Variants in OTOGL observed in about 807,000 individuals in gnomAD.
The protein encoded by OTOGL is otogelin like, also known as otogelin-like protein.
OTOGL carries 285 observed loss-of-function variants against 318.5 expected under a neutral mutation model. The ratio of observed to expected loss-of-function variants is 0.89; its 90% CI spans 0.81 to 0.99. The LOEUF is 0.99. Ranked by LOEUF, OTOGL falls within the 50% of genes least tolerant of loss-of-function variation. The pLI is 0.00. For missense variants in OTOGL, 2,899 were observed against 2,845.6 expected (o/e 1.02, Z -0.43); for synonymous variants, 987 against 936.5 (o/e 1.05, Z -0.99).
At chr12:80,253,661 A>C in intron 14 of OTOGL, 87 bp downstream of exon 14, 18 of 1,022,074 alleles carry the variant, frequency 1.8e-5, no homozygotes, top group East Asian at 2.5e-5. Flanking sequence ...GAATATACTC[A>C]TTACTAATTT....
At chr12:80,195,526 T>C (rs898232205) in intron 1 of OTOGL, among the ~76,000 whole-genome samples, 4 of 152,214 alleles carry the variant, frequency 2.6e-5, no homozygotes, top group Admixed American at 2.0e-4. Context: ...GGCTGGTTAG[T>C]AGAATGAAGC....
chr12:80,159,315 C>G (rs1271828343), intron 1 of OTOGL, among the ~76,000 whole-genome samples: 2 of 151,940 alleles, frequency 1.3e-5, no homozygotes, highest in African/African-American at 4.8e-5. Flanking sequence ...ATGTCCTTTG[C>G]TGGTTTAGAT....
chr12:80,333,166 CT>C, intron 38 of OTOGL, 88 bp downstream of exon 38: 5 of 1,196,238 alleles, frequency 4.2e-6, no homozygotes, highest in Non-Finnish European at 6.0e-6. Flanking sequence ...TGCTACTAAA[CT>C]TTTTTTGATA....
intron 27 of OTOGL, among the ~76,000 whole-genome samples, chr12:80,297,390 G>GT (rs1400990884): frequency 6.7e-6 from 1 of 149,952 alleles, no homozygotes; most frequent in Non-Finnish European, 1.5e-5. Context: ...GGAGTGCAGT[G>GT]GCACGATCTC....
intron 1 of OTOGL, among the ~76,000 whole-genome samples, chr12:80,159,961 A>G (rs529297641): frequency 6.6e-6 from 1 of 152,116 alleles, no homozygotes; most frequent in East Asian, 1.9e-4. Flanking sequence ...TCACAGCCAA[A>G]TGATTTTTGA....
In OTOGL at chr12:80,356,020, C is replaced by T. The variant is rs1003741232; in HGVS notation, c.5806+72C>T. 5.4e-6 allele frequency: 8 copies of T among 1,468,740 alleles called. No homozygotes were observed. The East Asian group carries it at 9.1e-5, about 17-fold the overall frequency. The allele number at this position is 1,468,740 out of a possible 1,614,324, so 91.0% of individuals were successfully genotyped here. A position where few individuals can be genotyped will look rare whatever the true frequency, so the allele number is the denominator to read the frequency against. On this transcript the variant is annotated intron_variant, in intron 47 of 58. Transcript: ENST00000547103. ...TGATATTCTTTGTGAAAAAGCAGAG[C>T]ATATATAATGCTTTGTATTTTTAAA... is the stretch of plus-strand genomic sequence containing the variant.
intron 1 of OTOGL, among the ~76,000 whole-genome samples, chr12:80,126,653 C>T (rs559136515): frequency 3.3e-4 from 50 of 152,212 alleles, no homozygotes; most frequent in African/African-American, 9.4e-4. Flanking sequence ...TAACATCTCC[C>T]GTTATTATTG....
At position 80,318,649 on chromosome 12, in the gene OTOGL, T is replaced by G. The variant is rs1043806279; in HGVS notation, c.3738T>G (p.Ser1246Arg). ...GCGTTTTCTGTTTGCCGAGAAGCAGTGTTCATACCAGTTTATTTTTTTATT... is the reference window on the plus strand; with the variant it reads ...GCGTTTTCTGTTTGCCGAGAAGCAGGGTTCATACCAGTTTATTTTTTTATT... ...SRSVFCLPRS[S>R]VHTSLFFYFM... The change falls in exon 33 of 59, where the codon AGT becomes AGG. Residue 1246 changes from serine (S) to arginine (R), a missense_variant. Physicochemically the swap from Ser to Arg is moderately radical, Grantham distance 110. Coordinates refer to ENST00000547103, the MANE Select transcript of OTOGL (RefSeq NM_001378609.3). The G allele has an allele frequency of 7.6e-6, 11 of 1,454,896 alleles. No individual in the cohort carries two copies. Among genetic ancestry groups the G allele is most frequent in the Non-Finnish European group, 1.0e-5 (11 of 1,100,580 alleles). 90.1% of individuals were successfully genotyped at this position (1,454,896 alleles called of 1,614,324 possible).
intron 26 of OTOGL, among the ~76,000 whole-genome samples, chr12:80,287,156 C>T (rs994035726): frequency 4.6e-5 from 7 of 151,622 alleles, no homozygotes; most frequent in African/African-American, 1.7e-4. Flanking sequence ...AGTTATTTAC[C>T]TAGTAGTCAT....
chr12:80,256,950 G>A (rs1208419075), intron 17 of OTOGL, among the ~76,000 whole-genome samples: 1 of 151,994 alleles, frequency 6.6e-6, no homozygotes, highest in Non-Finnish European at 1.5e-5. Flanking sequence ...CATATTTAGG[G>A]GGAACCAGAA....
chr12:80,176,385 ATC>A (rs1388900007), intron 1 of OTOGL, among the ~76,000 whole-genome samples: 2 of 152,050 alleles, frequency 1.3e-5, no homozygotes, highest in African/African-American at 4.8e-5. Flanking sequence ...TCTCTTCGTA[ATC>A]TCTCTTTCCC....
intron 25 of OTOGL, 102 bp downstream of exon 25, chr12:80,278,377 T>A: frequency 1.1e-6 from 1 of 950,722 alleles, no homozygotes; most frequent in Non-Finnish European, 1.6e-6. Flanking sequence ...AAAAAGTAAA[T>A]CAAGCCTCAG....
intron 54 of OTOGL, among the ~76,000 whole-genome samples, chr12:80,367,990 G>A (rs555119987): frequency 6.0e-4 from 91 of 152,182 alleles, no homozygotes; most frequent in African/African-American, 2.0e-3. Context: ...CCTGCTTGAT[G>A]AATTTGGCTG....
In OTOGL at chr12:80,302,780, G is replaced by T; in HGVS notation, c.3210G>T (p.Trp1070Cys). Residue 1070 changes from tryptophan (W) to cysteine (C), a missense_variant, in exon 28 of 59, where the codon TGG becomes TGT. By Grantham distance (215) the Trp-to-Cys change is radical. Coordinates refer to ENST00000547103, the MANE Select transcript of OTOGL (RefSeq NM_001378609.3). ...TTIHIKVGPQ[W>C]KNKLSGLCGN... ...TTCATATCAAAGTTGGGCCACAGTG[G>T]AAGGTAGGTCAACCTAAGCTCCAAA... is the stretch of plus-strand genomic sequence containing the variant. 2 of 1,491,108 alleles carry T rather than the reference G, an allele frequency of 1.3e-6. No homozygotes were observed. The highest frequency in any genetic ancestry group is 1.4e-5 in the South Asian group (1 of 70,510). The allele number at this position is 1,491,108 out of a possible 1,614,324, so 92.4% of individuals were successfully genotyped here.
At chr12:80,309,184 CA>C (rs1886463100) in intron 29 of OTOGL, among the ~76,000 whole-genome samples, 1 of 152,074 alleles carries the variant, frequency 6.6e-6, no homozygotes, top group African/African-American at 2.4e-5. Flanking sequence ...CATACAGACA[CA>C]TAATATGGAT....
intron 1 of OTOGL, among the ~76,000 whole-genome samples, chr12:80,124,271 C>T (rs1312193313): frequency 6.6e-6 from 1 of 152,266 alleles, no homozygotes; most frequent in East Asian, 1.9e-4. Flanking sequence ...GCCAGTTTTC[C>T]CAGCACCATT....
At chr12:80,318,847 A>G (rs1292926423) in intron 33 of OTOGL, 134 bp downstream of exon 33, 1 of 630,804 alleles carries the variant, frequency 1.6e-6, no homozygotes, top group Non-Finnish European at 2.3e-6. Flanking sequence ...GAAATAAAAT[A>G]TAACATTGGC....
chr12:80,202,003 T>C (rs1876490409), intron 1 of OTOGL, among the ~76,000 whole-genome samples: 1 of 152,130 alleles, frequency 6.6e-6, no homozygotes, highest in Admixed American at 6.5e-5. Context: ...CTGAAGCCAC[T>C]CAGTGCCAAA....
chr12:80,264,931 T>G, intron 19 of OTOGL, 70 bp from the exon 20 acceptor site: 4 of 1,468,718 alleles, frequency 2.7e-6, no homozygotes, highest in South Asian at 1.2e-5. Flanking sequence ...TCTAAGAACG[T>G]GAAATGCTTG....
Sources: gnomAD v4.1 joint callset for allele counts (sites outside exome capture counted in the v4.1 genomes callset) on GRCh38, gnomAD v4.1.1 for gene constraint, MANE v1.5 for transcripts, NCBI Gene and HGNC (gene_info 2026-07-23, HGNC 2026-07-21) for gene names.